The following MICU2 variants were observed in gnomAD, a reference collection of about 807,000 sequenced individuals.
MICU2 encodes calcium uptake protein 2, mitochondrial.
Under a neutral mutation model 60.4 loss-of-function variants are expected in MICU2, and 64 were observed. That is an observed-to-expected ratio of 1.06 (90% CI 0.87 to 1.31). The LOEUF is 1.31. MICU2 is among the 50% of genes most tolerant of loss of function. MICU2 has a pLI of 0.00. For synonymous variants in MICU2, 201 were observed against 175.0 expected (o/e 1.15, Z -1.17); for missense variants, 569 against 531.0 (o/e 1.07, Z -0.70).
chr13:21,591,093 T>C (rs543498655), intron 1 of MICU2, among the ~76,000 whole-genome samples: 17 of 151,390 alleles, frequency 1.1e-4, no homozygotes, highest in Admixed American at 5.3e-4. Context: ...GACTGGCAAA[T>C]TGAATAAAGA....
chr13:21,549,794 T>C (rs1219872553), intron 2 of MICU2, among the ~76,000 whole-genome samples: 1 of 152,200 alleles, frequency 6.6e-6, no homozygotes, highest in Non-Finnish European at 1.5e-5. Context: ...TAACCACAAG[T>C]ATGCTGAACA....
intron 9 of MICU2, among the ~76,000 whole-genome samples, chr13:21,500,497 C>T (rs1226943373): frequency 7.0e-6 from 1 of 143,704 alleles, no homozygotes; most frequent in Non-Finnish European, 1.5e-5. Context: ...TCACTGCAAC[C>T]TTTGTCTCCC....
chr13:21,508,047 T>C (rs1253170495), intron 8 of MICU2, among the ~76,000 whole-genome samples: 1 of 152,014 alleles, frequency 6.6e-6, no homozygotes, highest in African/African-American at 2.4e-5. Flanking sequence ...CACTGAGCCC[T>C]ACAATTTTAT....
chr13:21,498,260 AAAC>A lies in MICU2; in HGVS notation c.934-2103_934-2101del, dbSNP rs1355013608. On this transcript the variant is annotated intron_variant, in intron 9 of 11. Transcript: ENST00000382374. ...AATATGTGCACATGGTTAAAAATTC[AAAC>A]AACATGAAGGATAAATGATGAAGAG... is the stretch of plus-strand genomic sequence containing the variant. 1.1e-4 allele frequency among the ~76,000 whole-genome samples: 17 copies of A among 152,224 alleles called. No homozygotes were observed. The East Asian group carries it at 3.1e-3, about 28-fold the overall frequency.
intron 8 of MICU2, among the ~76,000 whole-genome samples, chr13:21,503,885 CT>C (rs1372156725): frequency 6.6e-6 from 1 of 152,156 alleles, no homozygotes; most frequent in Non-Finnish European, 1.5e-5. Flanking sequence ...TCGGTACTAT[CT>C]GTCATGTCAA....
chr13:21,501,663 A>G (rs924723681), intron 9 of MICU2, among the ~76,000 whole-genome samples: 4 of 152,198 alleles, frequency 2.6e-5, no homozygotes, highest in African/African-American at 4.8e-5. Flanking sequence ...CGTACGAAAG[A>G]CTGAAGTTCC....
intron 2 of MICU2, among the ~76,000 whole-genome samples, chr13:21,546,295 CTTTTTT>C (rs33921647): frequency 7.6e-6 from 1 of 131,372 alleles, no homozygotes; most frequent in Non-Finnish European, 1.6e-5. Flanking sequence ...GATAAAAAGA[CTTTTTT>C]TTTTTTTTTT....
At chr13:21,561,617 C>G (rs1021689265) in intron 2 of MICU2, among the ~76,000 whole-genome samples, 1 of 150,496 alleles carries the variant, frequency 6.6e-6, no homozygotes, top group African/African-American at 2.4e-5. Flanking sequence ...TATCTGAAGG[C>G]TAGCTACTCC....
intron 1 of MICU2, among the ~76,000 whole-genome samples, chr13:21,576,962 T>C (rs1178177680): frequency 6.6e-6 from 1 of 152,218 alleles, no homozygotes; most frequent in Non-Finnish European, 1.5e-5. Context: ...ATTTTAAAAC[T>C]TTCAGGTAAA....
Position 21,594,260 on chromosome 13 carries a change from G to A in MICU2, c.210+9679C>T, listed in dbSNP as rs538915622. Among the ~76,000 whole-genome samples the A allele has an allele frequency of 3.9e-5, 6 of 152,074 alleles. No individual in the cohort carries two copies. In the East Asian group the frequency reaches 9.7e-4, roughly 25 times the overall value. On this transcript the variant is annotated intron_variant, in intron 1 of 11. Transcript: ENST00000382374. ...ATTTCTCAAAAGAAGACATTTACAC[G>A]GCCAACAAACATGAAAAAGAGCTCA...
At position 21,495,196 on chromosome 13, in the gene MICU2, C is replaced by T. The variant is rs1885962963; in HGVS notation, c.1165G>A (p.Gly389Arg). ...DECLSHEEFL[G>R]VLKNRMHRGL... ...CGATGCATTCTGTTTTTTAACACCC[C>T]AAGAAACTCTTCATGACTAAGACAT... Residue 389 changes from glycine to arginine, a missense_variant, in exon 11 of 12, where the codon GGG becomes AGG. Gly to Arg is a moderately radical substitution (Grantham distance 125). Coordinates refer to ENST00000382374, the MANE Select transcript of MICU2 (RefSeq NM_152726.3). 1 of 1,611,034 alleles carries T rather than the reference C, an allele frequency of 6.2e-7. No individual in the cohort carries two copies. The highest frequency in any genetic ancestry group is 1.1e-5 in the South Asian group (1 of 90,642).
At position 21,593,652 on chromosome 13, in the gene MICU2, C is replaced by T. The variant is rs1888634792; in HGVS notation, c.210+10287G>A. Among the ~76,000 whole-genome samples, 7 of 148,294 alleles carry T rather than the reference C, an allele frequency of 4.7e-5. No homozygotes were observed. In the South Asian group the frequency reaches 1.5e-3, roughly 32 times the overall value. ...AACTATGCTACAAGGCTACAGTAAC[C>T]AAAACAGCATGGTACTGGTACCAAA... On this transcript the variant is annotated intron_variant, in intron 1 of 11. Coordinates refer to ENST00000382374, the MANE Select transcript of MICU2 (RefSeq NM_152726.3).
intron 2 of MICU2, among the ~76,000 whole-genome samples, chr13:21,550,111 T>G (rs1887517407): frequency 6.6e-6 from 1 of 152,230 alleles, no homozygotes; most frequent in South Asian, 2.1e-4. Context: ...CACAAATATC[T>G]GCTTGCTTTA....
chr13:21,557,386 T>C (rs1002261765), intron 2 of MICU2, among the ~76,000 whole-genome samples: 13 of 152,080 alleles, frequency 8.5e-5, no homozygotes, highest in Admixed American at 7.9e-4. Context: ...AAGCAGCACA[T>C]TTGATGGTTT....
intron 2 of MICU2, among the ~76,000 whole-genome samples, chr13:21,548,140 GA>G (rs1301078726): frequency 6.6e-6 from 1 of 152,074 alleles, no homozygotes; most frequent in Non-Finnish European, 1.5e-5. Flanking sequence ...CAGTATTTTA[GA>G]AAAAATATTT....
rs571819093 is a variant in MICU2 at position 21,493,124 on chromosome 13, A to G, written c.*125T>C. On this transcript the variant is annotated 3_prime_UTR_variant, in exon 12 of 12. Transcript: ENST00000382374. The stretch of plus-strand genomic sequence containing the variant: ...TAAAATTATGAATCAGAAAGCAAGT[A>G]CAAGACATGCTTATTTCACACAGAA... 5.8e-6 allele frequency: 3 copies of G among 513,464 alleles called. No homozygotes were observed. The highest frequency in any genetic ancestry group is 9.8e-6 in the Non-Finnish European group (3 of 306,716). 31.8% of individuals were successfully genotyped at this position (513,464 alleles called of 1,614,324 possible).
At chr13:21,584,381 T>TC (rs1187296415) in intron 1 of MICU2, among the ~76,000 whole-genome samples, 1 of 137,914 alleles carries the variant, frequency 7.3e-6, no homozygotes, top group African/African-American at 2.7e-5. Context: ...AGAGCGAGAC[T>TC]CCATCTCAAA....
chr13:21,495,783 C>A, intron 10 of MICU2: 1 of 284,928 alleles, frequency 3.5e-6, no homozygotes. Context: ...ATCCGCCCAC[C>A]TTGGACTCCC....
chr13:21,565,963 AATCCAGACCTT>A (rs1887971392), intron 2 of MICU2, among the ~76,000 whole-genome samples: 1 of 152,224 alleles, frequency 6.6e-6, no homozygotes, highest in African/African-American at 2.4e-5. Context: ...TCTTCTGGAT[AATCCAGACCTT>A]ATCTGTTTTT....
Sources: allele counts gnomAD v4.1 joint callset (sites outside exome capture counted in the v4.1 genomes callset), GRCh38; gene constraint gnomAD v4.1.1; transcripts MANE v1.5; gene names NCBI Gene and HGNC (gene_info 2026-07-23, HGNC 2026-07-21).